SLC6A5: variants seen among roughly 807,000 people sequenced by gnomAD.
The protein encoded by SLC6A5 is sodium- and chloride-dependent glycine transporter 2.
A neutral mutation model predicts 90.5 loss-of-function variants in SLC6A5; 58 were observed. The observed-to-expected ratio is 0.64, with a 90% CI of 0.52 to 0.80. The LOEUF (loss-of-function observed/expected upper bound fraction) is 0.80, where lower values mean the gene tolerates loss of function less well. Among genes scored for constraint, SLC6A5 ranks in the 30% least tolerant of loss-of-function variants. The pLI, the probability that SLC6A5 is intolerant of heterozygous loss-of-function variation, is 0.00. For missense variants in SLC6A5, 1,015 were observed against 1,017.6 expected (o/e 1.00, Z 0.03); for synonymous variants, 427 against 401.4 (o/e 1.06, Z -0.76).
intron 7 of SLC6A5, among the ~76,000 whole-genome samples, chr11:20,623,268 T>A (rs1852927660): frequency 6.6e-6 from 1 of 150,490 alleles, no homozygotes; most frequent in African/African-American, 2.5e-5. Context: ...CGGCCTTGAG[T>A]AATTGAGTTT....
chr11:20,610,721 A>T (rs150252550), intron 5 of SLC6A5, among the ~76,000 whole-genome samples: 1 of 152,336 alleles, frequency 6.6e-6, no homozygotes, highest in Admixed American at 6.5e-5. Flanking sequence ...ATTAAAGAAG[A>T]TACTTTGAAT....
intron 10 of SLC6A5, among the ~76,000 whole-genome samples, chr11:20,635,200 C>T (rs1298631222): frequency 3.3e-5 from 5 of 152,158 alleles, no homozygotes; most frequent in Admixed American, 6.6e-5. Flanking sequence ...GTTTTACCTG[C>T]GTTTTCTCAT....
At chr11:20,627,162 C>T (rs1275813914) in intron 8 of SLC6A5, among the ~76,000 whole-genome samples, 1 of 152,154 alleles carries the variant, frequency 6.6e-6, no homozygotes, top group African/African-American at 2.4e-5. Context: ...GGTAGTTTTG[C>T]TGGTGGGAAA....
chr11:20,605,624 G>T (rs1852563809), intron 3 of SLC6A5, among the ~76,000 whole-genome samples: 1 of 152,222 alleles, frequency 6.6e-6, no homozygotes, highest in Non-Finnish European at 1.5e-5. Context: ...GGTTATCAGG[G>T]TAGTGGATGG....
intron 13 of SLC6A5, among the ~76,000 whole-genome samples, chr11:20,644,972 CG>C (rs201954785): frequency 0.044 from 6,665 of 151,764 alleles, 338 homozygotes; most frequent in African/African-American, 0.11. Flanking sequence ...TCACCATGCC[CG>C]GCTGATTTTT....
intron 10 of SLC6A5, among the ~76,000 whole-genome samples, chr11:20,632,711 G>A (rs1466005392): frequency 6.6e-6 from 1 of 152,134 alleles, no homozygotes; most frequent in East Asian, 1.9e-4. Flanking sequence ...TTGATATAAT[G>A]GAGGCTCTGC....
At chr11:20,638,944 G>T (rs1456823648) in intron 13 of SLC6A5, among the ~76,000 whole-genome samples, 1 of 152,136 alleles carries the variant, frequency 6.6e-6, no homozygotes, top group African/African-American at 2.4e-5. Context: ...GAATTGAGGG[G>T]TAACTTTGTA....
At chr11:20,653,948 A>G (rs1853587211) in intron 15 of SLC6A5, among the ~76,000 whole-genome samples, 1 of 152,240 alleles carries the variant, frequency 6.6e-6, no homozygotes, top group Non-Finnish European at 1.5e-5. Flanking sequence ...TTAAACTAAC[A>G]GCTCTAAGTA....
chr11:20,621,054 T>C lies in SLC6A5; in HGVS notation c.1260+3170T>C, dbSNP rs954880707. ...TTGATCTCAGGTGATCCCCCTACCT[T>C]AGCCTCCCAAGGTGCTAGGATTACA... is the stretch of plus-strand genomic sequence containing the variant. On this transcript the variant is annotated intron_variant, in intron 7 of 15. Coordinates refer to ENST00000525748, the MANE Select transcript of SLC6A5 (RefSeq NM_004211.5). 3.9e-5 allele frequency among the ~76,000 whole-genome samples: 6 copies of C among 152,122 alleles called. No individual in the cohort carries two copies. In the East Asian group the frequency reaches 1.2e-3, roughly 29 times the overall value.
chr11:20,608,922 G>GTCTCTCTC (rs138477311), intron 5 of SLC6A5, among the ~76,000 whole-genome samples: 43 of 131,748 alleles, frequency 3.3e-4, no homozygotes, highest in African/African-American at 9.2e-4. Flanking sequence ...CTGTCTGTCT[G>GTCTCTCTC]TCTCTCTCTC....
At chr11:20,645,078 G>A (rs1039192369) in intron 13 of SLC6A5, among the ~76,000 whole-genome samples, 3 of 152,102 alleles carry the variant, frequency 2.0e-5, no homozygotes, top group African/African-American at 7.2e-5. Context: ...CTCCCAAAAT[G>A]CTGGGATTAC....
chr11:20,604,249 C>T (rs747381402), intron 2 of SLC6A5, 37 bp from the exon 3 acceptor site: 7 of 1,583,028 alleles, frequency 4.4e-6, no homozygotes, highest in Admixed American at 1.7e-5. Flanking sequence ...TGGACCTACT[C>T]GGGGCTGTTA....
In SLC6A5 at chr11:20,636,298, T is replaced by C. The variant is rs1396633559; in HGVS notation, c.1625-9T>C. 6.3e-7 allele frequency: 1 copy of C among 1,585,486 alleles called. No individual in the cohort carries two copies. The highest frequency in any genetic ancestry group is 1.7e-5 in the Admixed American group (1 of 59,988). ...GCCTGCCTGCAATCATCTGTCTTGTTCCTTCCAGGGCCAGGCATTGCATTT... is the reference window on the plus strand; with the variant it reads ...GCCTGCCTGCAATCATCTGTCTTGTCCCTTCCAGGGCCAGGCATTGCATTT... On this transcript the variant is annotated splice_polypyrimidine_tract_variant and intron_variant, in intron 10 of 15. Coordinates refer to ENST00000525748, the MANE Select transcript of SLC6A5 (RefSeq NM_004211.5).
At position 20,601,170 on chromosome 11, in the gene SLC6A5, C is replaced by T. The variant is rs779446341; in HGVS notation, c.45C>T (p.Asn15=). ...APKEMNKLPA[N]SPEAAAAQGH... ...AGGAAATGAATAAACTGCCAGCCAA[C>T]AGCCCGGAGGCGGCGGCGGCGCAGG... The change falls in exon 2 of 16, where the codon AAC becomes AAT. Residue 15 remains asparagine, a synonymous_variant. Transcript: ENST00000525748. 3 of 1,590,452 alleles carry T rather than the reference C, an allele frequency of 1.9e-6. No individual in the cohort carries two copies. Among genetic ancestry groups the T allele is most frequent in the African/African-American group, 1.3e-5 (1 of 74,784 alleles).
rs557434912 is a variant in SLC6A5, at chr11:20,643,228, T to TC, written c.1970-3606_1970-3605insC. On this transcript the variant is annotated intron_variant, in intron 13 of 15. Coordinates refer to ENST00000525748, the MANE Select transcript of SLC6A5 (RefSeq NM_004211.5). ...TAGAAATTTCTAGAATCTCTCTCTC[T>TC]TTTTTTTTTTTTAGAAAAAGAACTG... Among the ~76,000 whole-genome samples, 471 of 68,946 alleles carry TC rather than the reference T, an allele frequency of 6.8e-3. 3 individuals carry two copies. The highest frequency in any genetic ancestry group is 0.02 in the African/African-American group (444 of 22,054). The allele number at this position is 68,946 out of a possible 152,430, so 45.2% of individuals were successfully genotyped here. A position where few individuals can be genotyped will look rare whatever the true frequency, so the allele number is the denominator to read the frequency against.
In SLC6A5 at chr11:20,654,762, C is replaced by G. The variant is rs949339043; in HGVS notation, c.2288C>G (p.Ala763Gly). The change falls in exon 16 of 16, where the codon GCT becomes GGT. Residue 763 changes from alanine (A) to glycine (G), a missense_variant. Around this residue, in one of 3 missense-constraint regions of SLC6A5, gnomAD observed 442 missense variants for 494.3 expected, o/e 0.89. Transcript: ENST00000525748. ...CAGCCGGACTGGGGCCCATTCTTAG[C>G]TCAACACCGCGGGGAGCGTTACAAG... ...SPQPDWGPFL[A>G]QHRGERYKNM... The G allele has an allele frequency of 2.5e-6, 4 of 1,614,126 alleles. No homozygotes were observed. Among genetic ancestry groups the G allele is most frequent in the Non-Finnish European group, 3.4e-6 (4 of 1,180,016 alleles).
intron 15 of SLC6A5, among the ~76,000 whole-genome samples, chr11:20,653,675 C>T (rs1428965667): frequency 6.6e-6 from 1 of 152,154 alleles, no homozygotes; most frequent in South Asian, 2.1e-4. Context: ...TTCTAGTTTC[C>T]AACCTCAGGA....
chr11:20,607,190 C>A, intron 4 of SLC6A5, 52 bp downstream of exon 4: 1 of 1,568,486 alleles, frequency 6.4e-7, no homozygotes, highest in Non-Finnish European at 8.7e-7. Context: ...ACTCTGTCCC[C>A]TCTGGCACCA....
At chr11:20,606,979 G>T in intron 3 of SLC6A5, 28 bp from the exon 4 acceptor site, 1 of 1,613,982 alleles carries the variant, frequency 6.2e-7, no homozygotes, top group African/African-American at 1.3e-5. Flanking sequence ...TGCCTCCTAG[G>T]GCTCTCACTC....
Sources: gnomAD v4.1 joint callset for allele counts (sites outside exome capture counted in the v4.1 genomes callset) on GRCh38, gnomAD v4.1.1 for gene constraint, gnomAD v4.1.1 regional missense constraint, MANE v1.5 for transcripts, NCBI Gene and HGNC (gene_info 2026-07-23, HGNC 2026-07-21) for gene names.